Variants in RARRES1 observed in about 807,000 individuals in gnomAD.
The protein encoded by RARRES1 is retinoic acid receptor responder protein 1.
In RARRES1, 34 loss-of-function variants were observed where a neutral mutation model predicts 30.6. The observed-to-expected ratio is 1.11, with a 90% confidence interval of 0.84 to 1.48. RARRES1 has a LOEUF of 1.48. Among genes scored for constraint, RARRES1 ranks in the 40% most tolerant of loss-of-function variants. RARRES1 has a pLI of 0.00. For missense variants in RARRES1, 373 were observed against 386.5 expected (o/e 0.97, Z 0.29); for synonymous variants, 153 against 155.5 (o/e 0.98, Z 0.12).
At chr3:158,714,667 T>C (rs1303816443) in intron 1 of RARRES1, among the ~76,000 whole-genome samples, 1 of 152,256 alleles carries the variant, frequency 6.6e-6, no homozygotes, top group Non-Finnish European at 1.5e-5. Context: ...CATATCTATG[T>C]CATTGCAATT....
chr3:158,713,666 C>T, intron 2 of RARRES1, 131 bp downstream of exon 2: 2 of 852,812 alleles, frequency 2.3e-6, no homozygotes, highest in Non-Finnish European at 3.6e-6. Context: ...TTCTTGATAA[C>T]AAATAGGAAA....
Position 158,723,590 on chromosome 3 carries a change from T to C in RARRES1, c.276+8550A>G, listed in dbSNP as rs1181616119. Among the ~76,000 whole-genome samples, 1 of 152,250 alleles carries C rather than the reference T, an allele frequency of 6.6e-6. No homozygotes were observed. The highest frequency in any genetic ancestry group is 2.4e-5 in the African/African-American group (1 of 41,462). On this transcript the variant is annotated intron_variant, in intron 1 of 5. Transcript: ENST00000237696. The surrounding 1 kb of genome is among the most constrained non-coding windows in gnomAD (Gnocchi z 4.4). The stretch of plus-strand genomic sequence containing the variant: ...AGGAGCTCTTTGCGTGCGAATGCTT[T>C]GCTTTCTCAGGCTAAGTAGCAATGG...
intron 1 of RARRES1, among the ~76,000 whole-genome samples, chr3:158,722,125 C>T (rs1248877054): frequency 9.2e-5 from 13 of 141,442 alleles, no homozygotes; most frequent in South Asian, 4.6e-4. Flanking sequence ...AGAAGGAACA[C>T]GAAGAAGGCA....
At chr3:158,699,242 C>G (rs1166170819) in intron 4 of RARRES1, among the ~76,000 whole-genome samples, 1 of 152,020 alleles carries the variant, frequency 6.6e-6, no homozygotes, top group East Asian at 1.9e-4. Flanking sequence ...GTTTTTTGTC[C>G]CAGAAGGGAA....
At chr3:158,711,587 T>G (rs1430848395) in intron 2 of RARRES1, among the ~76,000 whole-genome samples, 1 of 151,836 alleles carries the variant, frequency 6.6e-6, no homozygotes, top group Non-Finnish European at 1.5e-5. Flanking sequence ...GAGTGATGTT[T>G]ATTTGCATTC....
At chr3:158,715,296 A>G (rs765107097) in intron 1 of RARRES1, among the ~76,000 whole-genome samples, 2 of 152,226 alleles carry the variant, frequency 1.3e-5, no homozygotes, top group African/African-American at 4.8e-5. Flanking sequence ...AGTGTAGCTG[A>G]TCAGTGTGGC....
At position 158,697,928 on chromosome 3, in the gene RARRES1, G is replaced by A. The variant is rs1726599039; in HGVS notation, c.715C>T (p.Leu239Phe). 2.6e-6 allele frequency: 4 copies of A among 1,549,422 alleles called. No individual in the cohort carries two copies. Among genetic ancestry groups the A allele is most frequent in the African/African-American group, 1.4e-5 (1 of 73,390 alleles). ...TTTACCTGTGTTGATAATTCATGAAGTAGAACAGTATAATCAAAATCAATT... is the reference window on the plus strand; with the variant it reads ...TTTACCTGTGTTGATAATTCATGAAATAGAACAGTATAATCAAAATCAATT... Reference protein sequence around the residue: ...DTIDFDYTVLLHELSTQEIIP... With the variant: ...DTIDFDYTVLFHELSTQEIIP... Residue 239 changes from leucine to phenylalanine, a missense_variant, in exon 5 of 6, where the codon CTT becomes TTT. Coordinates refer to ENST00000237696, the MANE Select transcript of RARRES1 (RefSeq NM_206963.2).
chr3:158,699,289 C>A (rs1726647359), intron 4 of RARRES1, among the ~76,000 whole-genome samples: 1 of 152,162 alleles, frequency 6.6e-6, no homozygotes, highest in Non-Finnish European at 1.5e-5. Context: ...ACTTCTTCCC[C>A]TAAGCTAGCT....
intron 4 of RARRES1, 172 bp from the exon 5 acceptor site, chr3:158,698,142 A>G (rs1726609199): frequency 3.5e-6 from 2 of 573,908 alleles, no homozygotes; most frequent in South Asian, 4.5e-5. Context: ...ATGGATCCTC[A>G]TTTTTGTCTT....
intron 4 of RARRES1, among the ~76,000 whole-genome samples, chr3:158,701,435 C>T (rs936043917): frequency 6.6e-6 from 1 of 151,892 alleles, no homozygotes; most frequent in Non-Finnish European, 1.5e-5. Flanking sequence ...TACTTCTTTA[C>T]ACAATTGCAT....
At chr3:158,702,694 A>C (rs1294868363) in intron 4 of RARRES1, among the ~76,000 whole-genome samples, 1 of 152,222 alleles carries the variant, frequency 6.6e-6, no homozygotes, top group Non-Finnish European at 1.5e-5. Context: ...CAGGTACAGT[A>C]AAAGCCTCTT....
intron 1 of RARRES1, among the ~76,000 whole-genome samples, chr3:158,718,783 C>T (rs1391749816): frequency 7.9e-5 from 12 of 152,202 alleles, no homozygotes; most frequent in African/African-American, 2.7e-4. Flanking sequence ...CCCAGGGATG[C>T]TCCCTCTGGG....
intron 1 of RARRES1, among the ~76,000 whole-genome samples, chr3:158,722,630 C>T (rs1727552153): frequency 6.6e-6 from 1 of 152,096 alleles, no homozygotes; most frequent in Non-Finnish European, 1.5e-5. Flanking sequence ...TGCCTGTAAT[C>T]CCAGCACTTT....
intron 1 of RARRES1, among the ~76,000 whole-genome samples, chr3:158,722,887 A>G (rs1727562921): frequency 6.6e-6 from 1 of 151,588 alleles, no homozygotes; most frequent in Admixed American, 6.6e-5. Flanking sequence ...ATCTCAAAAA[A>G]AAAAAAAAAA....
chr3:158,729,572 C>T (rs1408795451), intron 1 of RARRES1, among the ~76,000 whole-genome samples: 1 of 152,008 alleles, frequency 6.6e-6, no homozygotes, highest in African/African-American at 2.4e-5. Flanking sequence ...ATCTCAGCCT[C>T]CCGAGTAGCT....
At chr3:158,725,702 G>A (rs73015639) in intron 1 of RARRES1, among the ~76,000 whole-genome samples, 2,275 of 152,292 alleles carry the variant, frequency 0.015, 43 homozygotes, top group African/African-American at 0.053. Context: ...TAGCTCATCC[G>A]GGTGTAGTTA....
Position 158,697,719 on chromosome 3 carries a change from C to T in RARRES1, c.844G>A (p.Glu282Lys). The change falls in exon 6 of 6, where the codon GAA becomes AAA. Residue 282 changes from glutamate to lysine, a missense_variant. Glu to Lys is a moderately conservative substitution (Grantham distance 56, BLOSUM62 1). Coordinates refer to ENST00000237696, the MANE Select transcript of RARRES1 (RefSeq NM_206963.2). Reference protein sequence around the residue: ...QTPEEASGTEEGSAVVPTELS... With the variant: ...QTPEEASGTEKGSAVVPTELS... ...TCTGTTGGTACTACAGCTGATCCTT[C>T]TTCAGTTCCGGAGGCTTCTTCTGGT... The T allele has an allele frequency of 6.2e-7, 1 of 1,613,604 alleles. No homozygotes were observed. Among genetic ancestry groups the T allele is most frequent in the Non-Finnish European group, 8.5e-7 (1 of 1,179,546 alleles).
At chr3:158,710,127 T>C (rs1727062691) in intron 3 of RARRES1, among the ~76,000 whole-genome samples, 1 of 151,840 alleles carries the variant, frequency 6.6e-6, no homozygotes, top group African/African-American at 2.4e-5. Context: ...TATATGCATA[T>C]CCTATTTCAA....
rs988709673 is a variant in RARRES1, at chr3:158,732,353, G to T, written c.63C>A (p.Thr21=). 5.5e-6 allele frequency: 8 copies of T among 1,446,936 alleles called. No homozygotes were observed. The highest frequency in any genetic ancestry group is 7.2e-6 in the Non-Finnish European group (8 of 1,107,140). 89.6% of individuals were successfully genotyped at this position (1,446,936 alleles called of 1,614,324 possible). The change falls in exon 1 of 6, where the codon ACC becomes ACA. Residue 21 remains threonine, a synonymous_variant. Transcript: ENST00000237696. ...PWSGPRGPRP[T]APLLALLLLL... ...ACAGCAGCAGCGCGAGCAGCGGGGC[G>T]GTGGGGCGCGGGCCCCTGGGCCCGG...
Sources: gnomAD v4.1 joint callset for allele counts (sites outside exome capture counted in the v4.1 genomes callset) on GRCh38, gnomAD v4.1.1 for gene constraint, Gnocchi (gnomAD v3.1) non-coding constraint, MANE v1.5 for transcripts, NCBI Gene and HGNC (gene_info 2026-07-23, HGNC 2026-07-21) for gene names.